ADCY8: variants seen among roughly 807,000 people sequenced by gnomAD.
The protein encoded by ADCY8 is adenylate cyclase 8, also known as adenylate cyclase type 8.
In ADCY8, 51 loss-of-function variants were observed where a neutral mutation model predicts 119.7. That is an observed-to-expected ratio of 0.43 (90% CI 0.34 to 0.54). The LOEUF is 0.54. ADCY8 is among the 20% of genes least tolerant of loss of function. The pLI is 0.03. For synonymous variants in ADCY8, 665 were observed against 651.0 expected (o/e 1.02, Z -0.33); for missense variants, 1,383 against 1,598.8 (o/e 0.87, Z 2.30).
At chr8:130,943,497 G>GGGGGGGGGCCCCCC in intron 3 of ADCY8, 35 bp from the exon 4 acceptor site, 1 of 491,352 alleles carries the variant, frequency 2.0e-6, no homozygotes, top group African/African-American at 2.0e-5. Flanking sequence ...GTGGGGGGAG[G>GGGGGGGGGCCCCCC]AAGTATATTA....
Position 130,786,722 on chromosome 8 carries a change from A to T in ADCY8, c.3061-1247T>A, listed in dbSNP as rs370440622. Among the ~76,000 whole-genome samples the T allele has an allele frequency of 2.5e-4, 38 of 152,318 alleles. No individual in the cohort carries two copies. The East Asian group carries it at 6.5e-3, about 26-fold the overall frequency. ...CAGATGTTAAAAATAAATACACAGA[A>T]CATGCCCTAGTTCAATTTTAATAGA... On this transcript the variant is annotated intron_variant, in intron 15 of 17. Transcript: ENST00000286355.
intron 1 of ADCY8, among the ~76,000 whole-genome samples, chr8:131,014,583 T>C (rs1443917828): frequency 1.3e-5 from 2 of 152,162 alleles, no homozygotes; most frequent in South Asian, 4.1e-4. Context: ...CAGGATAAAA[T>C]GAGGCCACAC....
chr8:131,031,972 T>C (rs1251507813), intron 1 of ADCY8, among the ~76,000 whole-genome samples: 1 of 152,240 alleles, frequency 6.6e-6, no homozygotes, highest in Non-Finnish European at 1.5e-5. Flanking sequence ...GCATTCAGCG[T>C]GTAATCACAC....
intron 5 of ADCY8, among the ~76,000 whole-genome samples, chr8:130,934,086 C>A (rs1170464527): frequency 1.3e-5 from 2 of 152,184 alleles, no homozygotes; most frequent in Non-Finnish European, 2.9e-5. Context: ...CATAGTGGAG[C>A]TCAATAAACA....
At chr8:130,812,382 C>T (rs1816196975) in intron 14 of ADCY8, among the ~76,000 whole-genome samples, 1 of 152,208 alleles carries the variant, frequency 6.6e-6, no homozygotes, top group Non-Finnish European at 1.5e-5. Context: ...AACACTCATG[C>T]TCCCCTCAAC....
chr8:130,802,219 T>C (rs1044939380), intron 14 of ADCY8, among the ~76,000 whole-genome samples: 2 of 152,176 alleles, frequency 1.3e-5, no homozygotes, highest in Non-Finnish European at 2.9e-5. Flanking sequence ...CATTGCCAAA[T>C]CATCAAAATG....
intron 13 of ADCY8, among the ~76,000 whole-genome samples, chr8:130,818,657 T>A (rs574735545): frequency 6.6e-6 from 1 of 152,342 alleles, no homozygotes; most frequent in Admixed American, 6.5e-5. Context: ...AGAGGGCCTC[T>A]GAGTCACAAG....
intron 14 of ADCY8, among the ~76,000 whole-genome samples, chr8:130,812,455 C>T (rs1229202109): frequency 6.6e-6 from 1 of 152,188 alleles, no homozygotes; most frequent in Non-Finnish European, 1.5e-5. Context: ...AAGATGAGGT[C>T]ATACTCAATT....
intron 1 of ADCY8, among the ~76,000 whole-genome samples, chr8:131,024,621 C>T (rs952702154): frequency 6.6e-6 from 1 of 152,112 alleles, no homozygotes; most frequent in Non-Finnish European, 1.5e-5. Context: ...AGGCAAGTGC[C>T]ATGAAGTCAC....
chr8:130,854,810 C>T (rs1423109598), intron 9 of ADCY8, among the ~76,000 whole-genome samples: 2 of 104,074 alleles, frequency 1.9e-5, no homozygotes, highest in Admixed American at 9.5e-5. Context: ...TCCGTCCCTC[C>T]CTCCCTCCCT....
At chr8:130,926,153 T>C (rs1245623827) in intron 5 of ADCY8, among the ~76,000 whole-genome samples, 1 of 152,158 alleles carries the variant, frequency 6.6e-6, no homozygotes, top group African/African-American at 2.4e-5. Context: ...TGCACATACA[T>C]ACAAACACAT....
chr8:130,925,503 G>A (rs993972032), intron 5 of ADCY8, among the ~76,000 whole-genome samples: 1 of 152,068 alleles, frequency 6.6e-6, no homozygotes, highest in African/African-American at 2.4e-5. Context: ...CATCATTACA[G>A]ACCTAATTAC....
At chr8:130,815,394 G>A (rs1816305472) in intron 13 of ADCY8, among the ~76,000 whole-genome samples, 1 of 152,172 alleles carries the variant, frequency 6.6e-6, no homozygotes, top group Non-Finnish European at 1.5e-5. Context: ...CATTAAATAA[G>A]TTATCATAAT....
At position 130,897,859 on chromosome 8, in the gene ADCY8, T is replaced by A. The variant is rs367841123; in HGVS notation, c.1911+5913A>T. On this transcript the variant is annotated intron_variant, in intron 7 of 17. Transcript: ENST00000286355. ...ACAGCAAACATACATAATACACATA[T>A]AAACACCACACACATACACCACATA... 5.2e-4 allele frequency among the ~76,000 whole-genome samples: 76 copies of A among 147,280 alleles called. 1 individual carries two copies. The highest frequency in any genetic ancestry group is 1.9e-3 in the African/African-American group (75 of 40,016).
At chr8:130,953,042 C>T (rs1176399620) in intron 2 of ADCY8, among the ~76,000 whole-genome samples, 2 of 152,162 alleles carry the variant, frequency 1.3e-5, no homozygotes, top group African/African-American at 4.8e-5. Context: ...GGTTAACTAG[C>T]AACATGAATT....
chr8:130,814,186 C>A lies in ADCY8; in HGVS notation c.2796G>T (p.Gln932His). 1 of 1,614,138 alleles carries A rather than the reference C, an allele frequency of 6.2e-7. No individual in the cohort carries two copies. Among genetic ancestry groups the A allele is most frequent in the Non-Finnish European group, 8.5e-7 (1 of 1,180,038 alleles). ...TCATCTCATTGATCTCCTCTTTGGC[C>A]TGTACTCGCCAAAGGAAGTCCAGGC... Reference protein sequence around the residue: ...TARLDFLWRVQAKEEINEMKE... With the variant: ...TARLDFLWRVHAKEEINEMKE... Residue 932 changes from glutamine (Q) to histidine (H), a missense_variant, in exon 14 of 18, where the codon CAG becomes CAT. Physicochemically the swap from Gln to His is conservative, Grantham distance 24 (BLOSUM62 0). Transcript: ENST00000286355.
intron 2 of ADCY8, among the ~76,000 whole-genome samples, chr8:130,964,176 G>A (rs1323779931): frequency 6.6e-6 from 1 of 152,188 alleles, no homozygotes; most frequent in African/African-American, 2.4e-5. Flanking sequence ...ACCTTAGTGT[G>A]GTAGACGCTC....
chr8:130,831,708 T>C (rs1017595185), intron 12 of ADCY8, among the ~76,000 whole-genome samples: 1 of 152,182 alleles, frequency 6.6e-6, no homozygotes, highest in African/African-American at 2.4e-5. Flanking sequence ...TTCTTAGAGG[T>C]AACAAGAAGC....
At chr8:130,822,564 ATCCATCCATCC>A (rs1816549025) in intron 12 of ADCY8, among the ~76,000 whole-genome samples, 1 of 151,328 alleles carries the variant, frequency 6.6e-6, no homozygotes, top group South Asian at 2.1e-4. Flanking sequence ...CCATCCATCC[ATCCATCCATCC>A]ATCCATCCAT....
Sources: allele counts gnomAD v4.1 joint callset (sites outside exome capture counted in the v4.1 genomes callset), GRCh38; gene constraint gnomAD v4.1.1; transcripts MANE v1.5; gene names NCBI Gene and HGNC (gene_info 2026-07-23, HGNC 2026-07-21).